GRIA4: variants seen among roughly 807,000 people sequenced by gnomAD.
GRIA4 encodes the protein glutamate receptor 4.
Under a neutral mutation model 104.0 loss-of-function variants are expected in GRIA4, and 34 were observed. The observed-to-expected ratio is 0.33, with a 90% confidence interval of 0.25 to 0.44. The LOEUF is 0.44. Ranked by LOEUF, GRIA4 falls within the 20% of genes least tolerant of loss-of-function variation. The pLI is 1.00. For synonymous variants in GRIA4, 386 were observed against 381.9 expected (o/e 1.01, Z -0.13); for missense variants, 750 against 1,096.5 (o/e 0.68, Z 4.46).
At chr11:105,681,509 A>G (rs967999198) in intron 3 of GRIA4, among the ~76,000 whole-genome samples, 1 of 152,188 alleles carries the variant, frequency 6.6e-6, no homozygotes, top group African/African-American at 2.4e-5. Context: ...CATAAGATCA[A>G]GTGTTTTGGT....
intron 3 of GRIA4, among the ~76,000 whole-genome samples, chr11:105,649,270 T>G (rs1182146348): frequency 6.6e-6 from 1 of 152,162 alleles, no homozygotes; most frequent in South Asian, 2.1e-4. Context: ...TAATATATTT[T>G]AAAAGACAAT....
chr11:105,817,811 G>A (rs146987453), intron 4 of GRIA4, among the ~76,000 whole-genome samples: 335 of 152,238 alleles, frequency 2.2e-3, no homozygotes, highest in African/African-American at 7.6e-3. Context: ...GAAGATCAGT[G>A]TACGTGCAGA....
chr11:105,627,069 A>G (rs533852654), intron 3 of GRIA4, among the ~76,000 whole-genome samples: 2 of 152,290 alleles, frequency 1.3e-5, no homozygotes, highest in African/African-American at 2.4e-5. Flanking sequence ...TTTTACCCCA[A>G]TGTTTTGTAT....
intron 3 of GRIA4, among the ~76,000 whole-genome samples, chr11:105,736,760 C>A (rs1379655655): frequency 6.6e-6 from 1 of 151,806 alleles, no homozygotes; most frequent in African/African-American, 2.4e-5. Context: ...TTAAGGGATT[C>A]AAACTATTCT....
At chr11:105,972,650 T>C (rs1858757047) in intron 15 of GRIA4, among the ~76,000 whole-genome samples, 1 of 152,170 alleles carries the variant, frequency 6.6e-6, no homozygotes, top group African/African-American at 2.4e-5. Flanking sequence ...ATAAATTCTT[T>C]TTTAAACAAT....
At chr11:105,978,666 T>C (rs1405498940) in intron 16 of GRIA4, among the ~76,000 whole-genome samples, 1 of 152,192 alleles carries the variant, frequency 6.6e-6, no homozygotes, top group East Asian at 1.9e-4. Flanking sequence ...AGATACATGC[T>C]GAGTTGTGAG....
At chr11:105,912,711 T>A in intron 10 of GRIA4, 1 of 954,712 alleles carries the variant, frequency 1.0e-6, no homozygotes, top group Non-Finnish European at 1.2e-6. Flanking sequence ...AATCGTTCAG[T>A]AATTCAAAAA....
At chr11:105,736,694 C>T (rs1035454340) in intron 3 of GRIA4, among the ~76,000 whole-genome samples, 1 of 151,872 alleles carries the variant, frequency 6.6e-6, no homozygotes, top group Non-Finnish European at 1.5e-5. Flanking sequence ...GATATAAATA[C>T]ATTTAAATTT....
At chr11:105,615,910 T>G (rs1219062607) in intron 3 of GRIA4, among the ~76,000 whole-genome samples, 1 of 151,776 alleles carries the variant, frequency 6.6e-6, no homozygotes, top group Admixed American at 6.6e-5. Flanking sequence ...ATAAATATAT[T>G]TTAGTCATTT....
chr11:105,838,693 C>T (rs1167753059), intron 4 of GRIA4, among the ~76,000 whole-genome samples: 1 of 152,134 alleles, frequency 6.6e-6, no homozygotes, highest in Admixed American at 6.5e-5. Context: ...TCTTCAATAA[C>T]CAATTTACTA....
At chr11:105,689,180 T>A (rs1189323630) in intron 3 of GRIA4, among the ~76,000 whole-genome samples, 1 of 152,192 alleles carries the variant, frequency 6.6e-6, no homozygotes, top group Non-Finnish European at 1.5e-5. Flanking sequence ...CCCTGGTTAT[T>A]TGAAGGCATC....
intron 3 of GRIA4, among the ~76,000 whole-genome samples, chr11:105,633,190 C>T (rs1322378926): frequency 2.0e-5 from 3 of 152,038 alleles, no homozygotes; most frequent in Non-Finnish European, 4.4e-5. Context: ...ATTTATTATG[C>T]CATTATATGG....
intron 1 of GRIA4, chr11:105,610,678 G>A (rs1040119061): frequency 4.8e-5 from 14 of 293,994 alleles, no homozygotes; most frequent in Non-Finnish European, 9.0e-5. Flanking sequence ...TCTCATCCCT[G>A]CGAGCAGCCA....
intron 3 of GRIA4, chr11:105,613,483 C>T (rs1047611820): frequency 2.6e-5 from 4 of 152,130 alleles, no homozygotes; most frequent in African/African-American, 9.7e-5. Flanking sequence ...ATAAAATGTT[C>T]AAGCTGAATT....
chr11:105,843,295 G>A (rs1447261696), intron 4 of GRIA4, among the ~76,000 whole-genome samples: 1 of 150,954 alleles, frequency 6.6e-6, no homozygotes, highest in East Asian at 2.0e-4. Flanking sequence ...GCCTAATAGG[G>A]TCACTTGATC....
At chr11:105,668,676 T>C (rs889760423) in intron 3 of GRIA4, among the ~76,000 whole-genome samples, 1 of 10,524 alleles carries the variant, frequency 9.5e-5, no homozygotes, top group Non-Finnish European at 2.5e-4. Context: ...TTATCTTTTG[T>C]CTTTTTTTTT....
At chr11:105,762,348 T>C (rs1591211135) in intron 4 of GRIA4, among the ~76,000 whole-genome samples, 1 of 152,330 alleles carries the variant, frequency 6.6e-6, no homozygotes, top group East Asian at 1.9e-4. Flanking sequence ...AGTTAAACTA[T>C]AAATTGATAC....
chr11:105,639,097 T>C (rs765060886), intron 3 of GRIA4, among the ~76,000 whole-genome samples: 33 of 152,112 alleles, frequency 2.2e-4, no homozygotes, highest in Non-Finnish European at 4.1e-4. Flanking sequence ...TATTTCCCTT[T>C]TACTTGGAAT....
chr11:105,961,749 G>A (rs1948749541), intron 14 of GRIA4, among the ~76,000 whole-genome samples: 1 of 152,070 alleles, frequency 6.6e-6, no homozygotes, highest in Admixed American at 6.6e-5. Flanking sequence ...TTTGGATTAG[G>A]GATACTCAAT....
Sources: allele counts gnomAD v4.1 joint callset (sites outside exome capture counted in the v4.1 genomes callset), GRCh38; gene constraint gnomAD v4.1.1; transcripts MANE v1.5; gene names NCBI Gene and HGNC (gene_info 2026-07-23, HGNC 2026-07-21).